The following ARNT variants were observed in gnomAD, a reference collection of about 807,000 sequenced individuals.
ARNT encodes class E basic helix-loop-helix protein 2.
A neutral mutation model predicts 105.0 loss-of-function variants in ARNT; 30 were observed. The observed-to-expected ratio is 0.29, with a 90% CI of 0.21 to 0.39. The LOEUF is 0.39. Among genes scored for constraint, ARNT ranks in the 10% least tolerant of loss-of-function variants. ARNT has a pLI of 1.00. For synonymous variants in ARNT, 304 were observed against 344.0 expected (o/e 0.88, Z 1.29); for missense variants, 748 against 978.7 (o/e 0.76, Z 3.15).
At chr1:150,851,655 G>A (rs1307415245) in intron 3 of ARNT, among the ~76,000 whole-genome samples, 1 of 152,110 alleles carries the variant, frequency 6.6e-6, no homozygotes, top group Non-Finnish European at 1.5e-5. Flanking sequence ...GATGCTTGAA[G>A]GCAGCATGCG....
In ARNT at chr1:150,874,632, G is replaced by A. The variant is rs587661205; in HGVS notation, c.25+1911C>T. ...GAGCCCCTGAGGTGGAGGCTGCCGT[G>A]AGCAGTGATCTTGCCACTGCACTCC... On this transcript the variant is annotated intron_variant, in intron 1 of 21. Transcript: ENST00000358595. Among the ~76,000 whole-genome samples, 13 of 152,266 alleles carry A rather than the reference G, an allele frequency of 8.5e-5. No individual in the cohort carries two copies. The South Asian group carries it at 2.3e-3, about 27-fold the overall frequency.
chr1:150,872,779 A>G (rs1367492664), intron 1 of ARNT, among the ~76,000 whole-genome samples: 1 of 152,158 alleles, frequency 6.6e-6, no homozygotes, highest in African/African-American at 2.4e-5. Context: ...CCTGGGCAAC[A>G]TAGCAAGACC....
chr1:150,873,274 G>C (rs908883255), intron 1 of ARNT, among the ~76,000 whole-genome samples: 3 of 150,292 alleles, frequency 2.0e-5, no homozygotes, highest in Non-Finnish European at 4.4e-5. Context: ...GGGCGACAGA[G>C]TGAGACTCTG....
In ARNT at chr1:150,814,099, G is replaced by C. The variant is rs756342019; in HGVS notation, c.2091C>G (p.Leu697=). Residue 697 remains leucine, a synonymous_variant, in exon 20 of 22, where the codon CTC becomes CTG. Transcript: ENST00000358595. ...CACCAAAGTTAGATCCACGATTGGT[G>C]AGACTAGGGTAGGCAGCAGCACCAG... ...ASPGAAAYPS[L]TNRGSNFAPE... 9 of 1,614,012 alleles carry C rather than the reference G, an allele frequency of 5.6e-6. No homozygotes were observed. The highest frequency in any genetic ancestry group is 7.6e-6 in the Non-Finnish European group (9 of 1,180,028).
At chr1:150,813,654 A>C (rs1360342512) in intron 20 of ARNT, among the ~76,000 whole-genome samples, 1 of 146,556 alleles carries the variant, frequency 6.8e-6, no homozygotes, top group South Asian at 2.2e-4. Flanking sequence ...TTTATTTTTT[A>C]TTTTTTTGAG....
chr1:150,847,570 A>G (rs2102071836), intron 3 of ARNT, among the ~76,000 whole-genome samples: 1 of 152,276 alleles, frequency 6.6e-6, no homozygotes, highest in Admixed American at 6.5e-5. Flanking sequence ...TTGGATCTGC[A>G]TGTAGTTGTG....
At position 150,869,542 on chromosome 1, in the gene ARNT, T is replaced by TC. The variant is rs1254901095; in HGVS notation, c.25+7000dup. Reference sequence around the variant, plus strand: ...TACAGAAAAGATTTTAGGAAACTACTCCTTTTTTTTTTTTTTTCCTAGAGA... The same window carrying TC: ...TACAGAAAAGATTTTAGGAAACTACTCCCTTTTTTTTTTTTTTTCCTAGAGA... On this transcript the variant is annotated intron_variant, in intron 1 of 21. Transcript: ENST00000358595. Among the ~76,000 whole-genome samples the TC allele has an allele frequency of 1.1e-4, 17 of 148,004 alleles. 1 individual carries two copies. In the East Asian group the frequency reaches 3.3e-3, roughly 29 times the overall value.
rs757886398 is a variant in ARNT at position 150,826,612 on chromosome 1, G to C, written c.1173C>G (p.Leu391=). 2 of 1,608,668 alleles carry C rather than the reference G, an allele frequency of 1.2e-6. No homozygotes were observed. The highest frequency in any genetic ancestry group is 1.7e-6 in the Non-Finnish European group (2 of 1,175,964). ...VATVGYQPQE[L]LGKNIVEFCH... ...AGAATTCTACAATATTCTTTCCTAA[G>C]AGTTCCTAGAATACAGAAAGAAGAG... The change falls in exon 13 of 22, where the codon CTC becomes CTG. Residue 391 remains leucine (L), a synonymous_variant. Transcript: ENST00000358595.
At chr1:150,816,978 T>A in intron 17 of ARNT, 88 bp from the exon 18 acceptor site, 1 of 1,602,816 alleles carries the variant, frequency 6.2e-7, no homozygotes, top group Non-Finnish European at 8.5e-7. Context: ...GGTGGTATTA[T>A]GATTAAGTGG....
chr1:150,818,752 G>GAAACAAAC (rs10305734), intron 14 of ARNT, among the ~76,000 whole-genome samples: 3 of 151,364 alleles, frequency 2.0e-5, no homozygotes, highest in South Asian at 2.1e-4. Context: ...CTGTCTCAAT[G>GAAACAAAC]AAACAAACAA....
chr1:150,831,768 T>A, intron 10 of ARNT, 50 bp downstream of exon 10: 3 of 1,321,228 alleles, frequency 2.3e-6, no homozygotes, highest in Non-Finnish European at 3.2e-6. Flanking sequence ...ATGGACTCTG[T>A]GAGGAACCAA....
At chr1:150,867,605 T>C (rs1666817171) in intron 1 of ARNT, among the ~76,000 whole-genome samples, 1 of 152,154 alleles carries the variant, frequency 6.6e-6, no homozygotes, top group Non-Finnish European at 1.5e-5. Context: ...AATGAAATTT[T>C]TGGAGTCTTT....
At chr1:150,863,214 TAGTC>T (rs1665969244) in intron 1 of ARNT, among the ~76,000 whole-genome samples, 1 of 150,928 alleles carries the variant, frequency 6.6e-6, no homozygotes, top group East Asian at 2.0e-4. Context: ...ATACAAAAAT[TAGTC>T]AGGTGTGGTG....
chr1:150,831,791 G>A (rs747042920), intron 10 of ARNT, 27 bp downstream of exon 10: 4 of 1,535,764 alleles, frequency 2.6e-6, no homozygotes, highest in East Asian at 2.3e-5. Flanking sequence ...GTACCAAGGG[G>A]AAATATTTAC....
chr1:150,841,242 G>A (rs980609284), intron 5 of ARNT, among the ~76,000 whole-genome samples: 7 of 151,108 alleles, frequency 4.6e-5, no homozygotes, highest in East Asian at 3.9e-4. Flanking sequence ...GAGCCACTGC[G>A]CCCGGCCTGC....
intron 14 of ARNT, among the ~76,000 whole-genome samples, chr1:150,819,995 A>C (rs1656728224): frequency 6.6e-6 from 1 of 152,256 alleles, no homozygotes; most frequent in Admixed American, 6.5e-5. Context: ...AAAAGAGAGG[A>C]ACAGTAACTA....
At chr1:150,858,514 A>G in intron 1 of ARNT, 54 bp from the exon 2 acceptor site, 1 of 1,336,092 alleles carries the variant, frequency 7.5e-7, no homozygotes, top group African/African-American at 1.4e-5. Context: ...CTTGCTTATC[A>G]TCAGTATCAT....
intron 4 of ARNT, 40 bp downstream of exon 4, chr1:150,846,220 GATC>G (rs774270176): frequency 7.8e-6 from 12 of 1,532,646 alleles, no homozygotes; most frequent in Non-Finnish European, 1.1e-5. Context: ...CTACAACATG[GATC>G]ATATTATATA....
In ARNT at chr1:150,810,516, T is replaced by C. The variant is rs1654533686; in HGVS notation, c.*1505A>G. The C allele has an allele frequency of 2.3e-5, 5 of 220,658 alleles. No homozygotes were observed. The highest frequency in any genetic ancestry group is 4.6e-5 in the Non-Finnish European group (5 of 109,870). The allele number at this position is 220,658 out of a possible 1,614,324, so 13.7% of individuals were successfully genotyped here. A position where few individuals can be genotyped will look rare whatever the true frequency, so the allele number is the denominator to read the frequency against. On this transcript the variant is annotated 3_prime_UTR_variant, in exon 22 of 22. Transcript: ENST00000358595. ...ACATAAGGAAGGGAAACTCAGCAAA[T>C]GGACATTCCTTTGGCCTCTTCAAGG...
Sources: allele counts gnomAD v4.1 joint callset (sites outside exome capture counted in the v4.1 genomes callset), GRCh38; gene constraint gnomAD v4.1.1; transcripts MANE v1.5; gene names NCBI Gene and HGNC (gene_info 2026-07-23, HGNC 2026-07-21).